SOX2: variants seen among roughly 807,000 people sequenced by gnomAD.
SOX2 encodes transcription factor SOX-2.
A neutral mutation model predicts 19.7 loss-of-function variants in SOX2; 2 were observed. That is an observed-to-expected ratio of 0.10 (90% CI 0.04 to 0.32). SOX2 has a LOEUF of 0.32. Among genes scored for constraint, SOX2 ranks in the 10% least tolerant of loss-of-function variants. SOX2 has a pLI of 1.00. For synonymous variants in SOX2, 211 were observed against 196.8 expected (o/e 1.07, Z -0.60); for missense variants, 294 against 459.9 (o/e 0.64, Z 3.30).
Position 181,713,113 on chromosome 3 carries a change from C to T in SOX2, c.753C>T (p.Ser251=), listed in dbSNP as rs779819503. The change falls in exon 1 of 1, where the codon AGC becomes AGT. Residue 251 remains serine (S), a synonymous_variant. Transcript: ENST00000325404. ...TGGTCAAGTCCGAGGCCAGCTCCAG[C>T]CCCCCTGTGGTTACCTCTTCCTCCC... ...GSVVKSEASS[S]PPVVTSSSHS... is the part of the protein sequence containing the mutation. 2 of 1,613,874 alleles carry T rather than the reference C, an allele frequency of 1.2e-6. No homozygotes were observed. Among genetic ancestry groups the T allele is most frequent in the Admixed American group, 1.7e-5 (1 of 60,030 alleles).
rs2108523704 is a variant in SOX2 at position 181,713,234 on chromosome 3, C to T, written c.874C>T (p.Leu292Phe). The change falls in exon 1 of 1, where the codon CTT becomes TTT. Residue 292 changes from leucine to phenylalanine, a missense_variant. Leu to Phe is a conservative substitution (Grantham distance 22). Transcript: ENST00000325404. ...EVPEPAAPSR[L>F]HMSQHYQSGP... ...GCCGGAACCCGCCGCCCCCAGCAGA[C>T]TTCACATGTCCCAGCACTACCAGAG... The T allele has an allele frequency of 6.2e-7, 1 of 1,612,156 alleles. No homozygotes were observed. The highest frequency in any genetic ancestry group is 1.1e-5 in the South Asian group (1 of 91,010).
In SOX2 at chr3:181,713,437, GGA is replaced by G; in HGVS notation, c.*124_*125del. On this transcript the variant is annotated 3_prime_UTR_variant, in exon 1 of 1. Transcript: ENST00000325404. Reference sequence around the variant, plus strand: ...AACCCGGTACGCTCAAAAAGAAAAAGGAAAAAAAAAAATCCCATCACCCACAG... The same window carrying G: ...AACCCGGTACGCTCAAAAAGAAAAAGAAAAAAAAAATCCCATCACCCACAG... 2.3e-6 allele frequency: 3 copies of G among 1,292,050 alleles called. No homozygotes were observed. Among genetic ancestry groups the G allele is most frequent in the South Asian group, 1.4e-5 (1 of 72,208 alleles). 80.0% of individuals were successfully genotyped at this position (1,292,050 alleles called of 1,614,324 possible).
rs1324894998 is a variant in SOX2 at position 181,712,480 on chromosome 3, C to G, written c.120C>G (p.Arg40=). 1.9e-6 allele frequency: 3 copies of G among 1,613,716 alleles called. No homozygotes were observed. In the East Asian group the frequency reaches 6.7e-5, roughly 36 times the overall value. ...GCAACCAGAAAAACAGCCCGGACCG[C>G]GTCAAGCGGCCCATGAATGCCTTCA... ...AGGNQKNSPD[R]VKRPMNAFMV... Residue 40 remains arginine, a synonymous_variant, in exon 1 of 1, where the codon CGC becomes CGG. Transcript: ENST00000325404. This position sits in a 1 kb window ranked among gnomAD's most constrained non-coding sequence, Gnocchi z 8.5.
chr3:181,713,067 C>G lies in SOX2; in HGVS notation c.707C>G (p.Ala236Gly). 6.2e-7 allele frequency: 1 copy of G among 1,613,872 alleles called. No individual in the cohort carries two copies. Among genetic ancestry groups the G allele is most frequent in the Non-Finnish European group, 8.5e-7 (1 of 1,180,044 alleles). Residue 236 changes from alanine to glycine, a missense_variant, in exon 1 of 1, where the codon GCT becomes GGT. Physicochemically the swap from Ala to Gly is moderately conservative, Grantham distance 60 (BLOSUM62 0). Coordinates refer to ENST00000325404, the MANE Select transcript of SOX2 (RefSeq NM_003106.4). The part of the protein sequence containing the change: ...SYSQQGTPGM[A>G]LGSMGSVVKS... ...TCGCAGCAGGGCACCCCTGGCATGG[C>G]TCTTGGCTCCATGGGTTCGGTGGTC...
In SOX2 at chr3:181,712,297, C is replaced by A; in HGVS notation, c.-64C>A. On this transcript the variant is annotated 5_prime_UTR_variant, in exon 1 of 1. Transcript: ENST00000325404. This position sits in a 1 kb window ranked among gnomAD's most constrained non-coding sequence, Gnocchi z 8.5. Reference sequence around the variant, plus strand: ...CCTCTCCCCCCGCCCGCGGGCCCCCCAAAGTCCCGGCCGGGCCGAGGGTCG... The same window carrying A: ...CCTCTCCCCCCGCCCGCGGGCCCCCAAAAGTCCCGGCCGGGCCGAGGGTCG... 1.6e-6 allele frequency: 2 copies of A among 1,276,322 alleles called. No homozygotes were observed. Among genetic ancestry groups the A allele is most frequent in the East Asian group, 6.3e-5 (2 of 31,640 alleles). 79.1% of individuals were successfully genotyped at this position (1,276,322 alleles called of 1,614,324 possible). A position where few individuals can be genotyped will look rare whatever the true frequency, so the allele number is the denominator to read the frequency against.
rs1365323350 is a variant in SOX2 at position 181,712,741 on chromosome 3, G to T, written c.381G>T (p.Leu127=). 6.2e-7 allele frequency: 1 copy of T among 1,610,642 alleles called. No individual in the cohort carries two copies. The highest frequency in any genetic ancestry group is 1.1e-5 in the South Asian group (1 of 90,842). The change falls in exon 1 of 1, where the codon CTG becomes CTT. Residue 127 remains leucine, a synonymous_variant. Transcript: ENST00000325404. The surrounding 1 kb of genome is among the most constrained non-coding windows in gnomAD (Gnocchi z 8.5). ...TCATGAAGAAGGATAAGTACACGCT[G>T]CCCGGCGGGCTGCTGGCCCCCGGCG... ...KTLMKKDKYT[L]PGGLLAPGGN... is the part of the protein sequence containing the mutation.
Position 181,712,374 on chromosome 3 carries a change from T to C in SOX2, c.14T>C (p.Met5Thr). Reference sequence around the variant, plus strand: ...CACAGCGCCCGCATGTACAACATGATGGAGACGGAGCTGAAGCCGCCGGGC... The same window carrying C: ...CACAGCGCCCGCATGTACAACATGACGGAGACGGAGCTGAAGCCGCCGGGC... The part of the protein sequence containing the change: MYNM[M>T]ETELKPPGPQ... The change falls in exon 1 of 1, where the codon ATG becomes ACG. Residue 5 changes from methionine (M) to threonine (T), a missense_variant. Physicochemically the swap from Met to Thr is moderately conservative, Grantham distance 81. This residue lies in a region of SOX2 where 51 missense variants were observed against 54.9 expected (regional missense o/e 0.93). Coordinates refer to ENST00000325404, the MANE Select transcript of SOX2 (RefSeq NM_003106.4). The surrounding 1 kb of genome is among the most constrained non-coding windows in gnomAD (Gnocchi z 8.5). 6.5e-7 allele frequency: 1 copy of C among 1,548,858 alleles called. No individual in the cohort carries two copies. Among genetic ancestry groups the C allele is most frequent in the Non-Finnish European group, 8.7e-7 (1 of 1,148,950 alleles).
chr3:181,713,404 A>G lies in SOX2; in HGVS notation c.*90A>G. The G allele has an allele frequency of 1.3e-6, 2 of 1,492,846 alleles. No individual in the cohort carries two copies. The highest frequency in any genetic ancestry group is 1.8e-6 in the Non-Finnish European group (2 of 1,095,264). The allele number at this position is 1,492,846 out of a possible 1,614,324, so 92.5% of individuals were successfully genotyped here. A position where few individuals can be genotyped will look rare whatever the true frequency, so the allele number is the denominator to read the frequency against. On this transcript the variant is annotated 3_prime_UTR_variant, in exon 1 of 1. Transcript: ENST00000325404. ...GCAAAAGAGGAGAGTAAGAAACAGC[A>G]TGGAGAAAACCCGGTACGCTCAAAA...
rs769335584 is a variant in SOX2, at chr3:181,713,425, CAAAAAG to C, written c.*118_*123del. 330 of 1,320,644 alleles carry C rather than the reference CAAAAAG, an allele frequency of 2.5e-4. 1 individual carries two copies. The highest frequency in any genetic ancestry group is 1.4e-3 in the Middle Eastern group (6 of 4,364). The allele number at this position is 1,320,644 out of a possible 1,614,324, so 81.8% of individuals were successfully genotyped here. On this transcript the variant is annotated 3_prime_UTR_variant, in exon 1 of 1. Transcript: ENST00000325404. ...CAGCATGGAGAAAACCCGGTACGCT[CAAAAAG>C]AAAAAGGAAAAAAAAAAATCCCATC...
chr3:181,712,832 G>C lies in SOX2; in HGVS notation c.472G>C (p.Asp158His). 6.2e-7 allele frequency: 1 copy of C among 1,606,344 alleles called. No homozygotes were observed. The change falls in exon 1 of 1, where the codon GAC (aspartate) becomes CAC (histidine). Residue 158 changes from aspartate to histidine, a missense_variant. Transcript: ENST00000325404. This position sits in a 1 kb window ranked among gnomAD's most constrained non-coding sequence, Gnocchi z 8.5. ...GLGAGVNQRM[D>H]SYAHMNGWSN... ...GGGCGCGGGCGTGAACCAGCGCATG[G>C]ACAGTTACGCGCACATGAACGGCTG...
chr3:181,712,297 C>T lies in SOX2; in HGVS notation c.-64C>T. Reference sequence around the variant, plus strand: ...CCTCTCCCCCCGCCCGCGGGCCCCCCAAAGTCCCGGCCGGGCCGAGGGTCG... The same window carrying T: ...CCTCTCCCCCCGCCCGCGGGCCCCCTAAAGTCCCGGCCGGGCCGAGGGTCG... On this transcript the variant is annotated 5_prime_UTR_variant, in exon 1 of 1. Coordinates refer to ENST00000325404, the MANE Select transcript of SOX2 (RefSeq NM_003106.4). This position sits in a 1 kb window ranked among gnomAD's most constrained non-coding sequence, Gnocchi z 8.5. The T allele has an allele frequency of 1.6e-6, 2 of 1,276,322 alleles. No individual in the cohort carries two copies. Among genetic ancestry groups the T allele is most frequent in the Non-Finnish European group, 9.9e-7 (1 of 1,013,478 alleles). The allele number at this position is 1,276,322 out of a possible 1,614,324, so 79.1% of individuals were successfully genotyped here.
In SOX2 at chr3:181,714,198, T is replaced by C. The variant is rs1186620295; in HGVS notation, c.*884T>C. Reference sequence around the variant, plus strand: ...ATGAAATTACTGTGTTTGAAATATTTTCTTATGGTTTGTAATATTTCTGTA... The same window carrying C: ...ATGAAATTACTGTGTTTGAAATATTCTCTTATGGTTTGTAATATTTCTGTA... On this transcript the variant is annotated 3_prime_UTR_variant, in exon 1 of 1. Transcript: ENST00000325404. The C allele has an allele frequency of 4.1e-6, 1 of 241,242 alleles. No individual in the cohort carries two copies. The highest frequency in any genetic ancestry group is 8.8e-6 in the Non-Finnish European group (1 of 113,896). The allele number at this position is 241,242 out of a possible 1,614,324, so 14.9% of individuals were successfully genotyped here.
Position 181,712,360 on chromosome 3 carries a change from C to T in SOX2, c.-1C>T. ...GGGCCGGGCCCGCGCACAGCGCCCG[C>T]ATGTACAACATGATGGAGACGGAGC... On this transcript the variant is annotated 5_prime_UTR_variant, in exon 1 of 1. Transcript: ENST00000325404. This position sits in a 1 kb window ranked among gnomAD's most constrained non-coding sequence, Gnocchi z 8.5. 1 of 1,518,232 alleles carries T rather than the reference C, an allele frequency of 6.6e-7. No homozygotes were observed. Among genetic ancestry groups the T allele is most frequent in the Non-Finnish European group, 8.8e-7 (1 of 1,136,050 alleles). 94.0% of individuals were successfully genotyped at this position (1,518,232 alleles called of 1,614,324 possible).
rs1337496011 is a variant in SOX2 at position 181,713,210 on chromosome 3, C to T, written c.850C>T (p.Pro284Ser). 1.2e-6 allele frequency: 2 copies of T among 1,612,614 alleles called. No homozygotes were observed. Among genetic ancestry groups the T allele is most frequent in the Non-Finnish European group, 1.7e-6 (2 of 1,179,870 alleles). The change falls in exon 1 of 1, where the codon CCG becomes TCG. Residue 284 changes from proline to serine, a missense_variant. Physicochemically the swap from Pro to Ser is moderately conservative, Grantham distance 74. Coordinates refer to ENST00000325404, the MANE Select transcript of SOX2 (RefSeq NM_003106.4). ...CATGTATCTCCCCGGCGCCGAGGTG[C>T]CGGAACCCGCCGCCCCCAGCAGACT... The part of the protein sequence containing the change: ...ISMYLPGAEV[P>S]EPAAPSRLHM...
In SOX2 at chr3:181,712,438, C is replaced by CGCG; in HGVS notation, c.87_89dup (p.Ala30dup). The CGCG allele has an allele frequency of 6.2e-7, 1 of 1,605,884 alleles. No homozygotes were observed. The highest frequency in any genetic ancestry group is 8.5e-7 in the Non-Finnish European group (1 of 1,176,300). ...CGGGGGGCGGCGGCGGCAACTCCAC[C>CGCG]GCGGCGGCGGCCGGCGGCAACCAGA... On this transcript the variant is annotated inframe_insertion, in exon 1 of 1. Transcript: ENST00000325404. This position sits in a 1 kb window ranked among gnomAD's most constrained non-coding sequence, Gnocchi z 8.5.
Position 181,712,696 on chromosome 3 carries a change from C to G in SOX2, c.336C>G (p.Pro112=). 6.2e-7 allele frequency: 1 copy of G among 1,614,018 alleles called. No individual in the cohort carries two copies. The highest frequency in any genetic ancestry group is 1.1e-5 in the South Asian group (1 of 91,076). Residue 112 remains proline, a synonymous_variant, in exon 1 of 1, where the codon CCC becomes CCG. Coordinates refer to ENST00000325404, the MANE Select transcript of SOX2 (RefSeq NM_003106.4). The surrounding 1 kb of genome is among the most constrained non-coding windows in gnomAD (Gnocchi z 8.5). ...MKEHPDYKYR[P]RRKTKTLMKK... ...AGCACCCGGATTATAAATACCGGCC[C>G]CGGCGGAAAACCAAGACGCTCATGA...
Position 181,712,670 on chromosome 3 carries a change from G to A in SOX2, c.310G>A (p.Glu104Lys), listed in dbSNP as rs1260218988. 6.2e-7 allele frequency: 1 copy of A among 1,614,022 alleles called. No individual in the cohort carries two copies. Among genetic ancestry groups the A allele is most frequent in the Non-Finnish European group, 8.5e-7 (1 of 1,180,016 alleles). Residue 104 changes from glutamate to lysine, a missense_variant, in exon 1 of 1, where the codon GAG becomes AAG. Transcript: ENST00000325404. This position sits in a 1 kb window ranked among gnomAD's most constrained non-coding sequence, Gnocchi z 8.5. ...AKRLRALHMKEHPDYKYRPRR... is the reference protein window; with the variant it reads ...AKRLRALHMKKHPDYKYRPRR... ...GCGGCTGCGAGCGCTGCACATGAAG[G>A]AGCACCCGGATTATAAATACCGGCC...
rs377110178 is a variant in SOX2 at position 181,712,757 on chromosome 3, G to A, written c.397G>A (p.Ala133Thr). The A allele has an allele frequency of 4.2e-5, 68 of 1,607,830 alleles. No homozygotes were observed. Among genetic ancestry groups the A allele is most frequent in the Admixed American group, 1.2e-4 (7 of 59,064 alleles). ...DKYTLPGGLL[A>T]PGGNSMASGV... ...GTACACGCTGCCCGGCGGGCTGCTG[G>A]CCCCCGGCGGCAATAGCATGGCGAG... Residue 133 changes from alanine (A) to threonine (T), a missense_variant, in exon 1 of 1, where the codon GCC becomes ACC. This residue lies in a region of SOX2 where 223 missense variants were observed against 292.7 expected (regional missense o/e 0.76). Coordinates refer to ENST00000325404, the MANE Select transcript of SOX2 (RefSeq NM_003106.4). This position sits in a 1 kb window ranked among gnomAD's most constrained non-coding sequence, Gnocchi z 8.5.
chr3:181,712,933 A>G lies in SOX2; in HGVS notation c.573A>G (p.Ala191=), dbSNP rs1222809271. 3.1e-6 allele frequency: 5 copies of G among 1,613,790 alleles called. No homozygotes were observed. The East Asian group carries it at 1.1e-4, about 36-fold the overall frequency. ...ACCCGGGCCTCAATGCGCACGGCGC[A>G]GCGCAGATGCAGCCCATGCACCGCT... ...PQHPGLNAHG[A]AQMQPMHRYD... Residue 191 remains alanine, a synonymous_variant, in exon 1 of 1, where the codon GCA becomes GCG. Coordinates refer to ENST00000325404, the MANE Select transcript of SOX2 (RefSeq NM_003106.4). The surrounding 1 kb of genome is among the most constrained non-coding windows in gnomAD (Gnocchi z 8.5).
Sources: allele counts gnomAD v4.1 joint callset, GRCh38; gene constraint gnomAD v4.1.1; regional missense constraint gnomAD v4.1.1; non-coding constraint Gnocchi (gnomAD v3.1); transcripts MANE v1.5; gene names NCBI Gene and HGNC (gene_info 2026-07-23, HGNC 2026-07-21).